Variants in EGLN3 observed in about 807,000 individuals in gnomAD.
EGLN3 encodes the protein egl-9 family hypoxia inducible factor 3.
EGLN3 carries 15 observed loss-of-function variants against 26.0 expected under a neutral mutation model. That is an observed-to-expected ratio of 0.58 (90% CI 0.39 to 0.89). EGLN3 has a LOEUF of 0.89. Among genes scored for constraint, EGLN3 ranks in the 40% least tolerant of loss-of-function variants. EGLN3 has a pLI of 0.00. For synonymous variants in EGLN3, 147 were observed against 127.2 expected (o/e 1.16, Z -1.05); for missense variants, 238 against 311.6 (o/e 0.76, Z 1.78).
chr14:33,941,625 T>C lies in EGLN3; in HGVS notation c.357+8771A>G, dbSNP rs182491636. Among the ~76,000 whole-genome samples the C allele has an allele frequency of 6.0e-4, 91 of 152,024 alleles. 1 individual carries two copies. The highest frequency in any genetic ancestry group is 2.2e-3 in the African/African-American group (91 of 41,464). On this transcript the variant is annotated intron_variant, in intron 1 of 4. Transcript: ENST00000250457. The stretch of plus-strand genomic sequence containing the variant: ...TCAAAATCAAAGTTCCTTTTGAAGA[T>C]GAAATTAAGCCAACAAGCACCTATG...
chr14:33,944,581 G>A (rs1206040020), intron 1 of EGLN3, among the ~76,000 whole-genome samples: 1 of 152,272 alleles, frequency 6.6e-6, no homozygotes, highest in Admixed American at 6.5e-5. Context: ...TTAACATCCT[G>A]TATAGTTTTG....
At chr14:33,946,207 T>A (rs2064516825) in intron 1 of EGLN3, among the ~76,000 whole-genome samples, 1 of 152,052 alleles carries the variant, frequency 6.6e-6, no homozygotes, top group African/African-American at 2.4e-5. Flanking sequence ...AGAAACCCCG[T>A]CTCTACTAAA....
intron 3 of EGLN3, among the ~76,000 whole-genome samples, chr14:33,928,785 A>G (rs557521512): frequency 3.9e-5 from 6 of 152,312 alleles, no homozygotes; most frequent in African/African-American, 1.4e-4. Context: ...AAAGAGAGAT[A>G]AGAGAAGGGA....
chr14:33,941,494 A>G (rs2064482808), intron 1 of EGLN3, among the ~76,000 whole-genome samples: 1 of 152,160 alleles, frequency 6.6e-6, no homozygotes, highest in African/African-American at 2.4e-5. Flanking sequence ...TTAAATACTT[A>G]GGCATCGAAT....
At chr14:33,931,268 C>A in intron 1 of EGLN3, 53 bp from the exon 2 acceptor site, 5 of 1,611,988 alleles carry the variant, frequency 3.1e-6, no homozygotes, top group Non-Finnish European at 4.2e-6. Context: ...AGACAATCTT[C>A]TCCTCCCACT....
chr14:33,942,098 A>G (rs2064487277), intron 1 of EGLN3, among the ~76,000 whole-genome samples: 1 of 152,214 alleles, frequency 6.6e-6, no homozygotes, highest in South Asian at 2.1e-4. Flanking sequence ...CACAGAGACT[A>G]CATGATTAGA....
chr14:33,939,818 C>T (rs1450130871), intron 1 of EGLN3, among the ~76,000 whole-genome samples: 1 of 152,126 alleles, frequency 6.6e-6, no homozygotes, highest in Non-Finnish European at 1.5e-5. Context: ...TTTTTGAACC[C>T]AGTTGGTCTG....
In EGLN3 at chr14:33,951,023, C is replaced by T. The variant is rs1335577783; in HGVS notation, c.-271G>A. On this transcript the variant is annotated 5_prime_UTR_variant, in exon 1 of 5. Coordinates refer to ENST00000250457, the MANE Select transcript of EGLN3 (RefSeq NM_022073.4). ...CGGCGAGCAGTGCGGCGCAAGGAGT[C>T]GGAGGGCGCCTTTTGGGGATGGGAA... The T allele has an allele frequency of 6.9e-6, 3 of 433,650 alleles. No individual in the cohort carries two copies. The highest frequency in any genetic ancestry group is 1.2e-5 in the Non-Finnish European group (3 of 245,630). 26.9% of individuals were successfully genotyped at this position (433,650 alleles called of 1,614,324 possible). A position where few individuals can be genotyped will look rare whatever the true frequency, so the allele number is the denominator to read the frequency against.
At chr14:33,939,071 A>G (rs2064462376) in intron 1 of EGLN3, among the ~76,000 whole-genome samples, 1 of 152,260 alleles carries the variant, frequency 6.6e-6, no homozygotes, top group Admixed American at 6.5e-5. Context: ...TGAAATTTTC[A>G]TCTGAACTTA....
At chr14:33,945,490 T>A (rs950739673) in intron 1 of EGLN3, among the ~76,000 whole-genome samples, 1 of 152,220 alleles carries the variant, frequency 6.6e-6, no homozygotes, top group African/African-American at 2.4e-5. Flanking sequence ...GGAATGTTAC[T>A]GAAGTCTCTG....
chr14:33,931,310 G>C, intron 1 of EGLN3, 95 bp from the exon 2 acceptor site: 1 of 1,558,000 alleles, frequency 6.4e-7, no homozygotes, highest in Non-Finnish European at 8.7e-7. Flanking sequence ...GTCTCCTTGG[G>C]TGTTACGTGA....
chr14:33,931,177 A>G lies in EGLN3; in HGVS notation c.396T>C (p.Tyr132=), dbSNP rs780223180. ...CGTTGGGGTTGTCCACGTGGCGAACATAACCTGTTCCATTTCCCGGATAGC... is the reference window on the plus strand; with the variant it reads ...CGTTGGGGTTGTCCACGTGGCGAACGTAACCTGTTCCATTTCCCGGATAGC... ...VACYPGNGTG[Y]VRHVDNPNGD... Residue 132 remains tyrosine, a synonymous_variant, in exon 2 of 5, where the codon TAT becomes TAC. Coordinates refer to ENST00000250457, the MANE Select transcript of EGLN3 (RefSeq NM_022073.4). 7 of 1,614,128 alleles carry G rather than the reference A, an allele frequency of 4.3e-6. No homozygotes were observed. Among genetic ancestry groups the G allele is most frequent in the Non-Finnish European group, 5.9e-6 (7 of 1,180,036 alleles).
chr14:33,950,386 C>T lies in EGLN3; in HGVS notation c.357+10G>A. The T allele has an allele frequency of 6.2e-7, 1 of 1,611,768 alleles. No individual in the cohort carries two copies. Among genetic ancestry groups the T allele is most frequent in the Non-Finnish European group, 8.5e-7 (1 of 1,178,976 alleles). On this transcript the variant is annotated intron_variant, in intron 1 of 4. Coordinates refer to ENST00000250457, the MANE Select transcript of EGLN3 (RefSeq NM_022073.4). ...GGAGCAGCTGCGGCAGGGCGCCGAG[C>T]GCGTCCTACCTTAGACCTCTCCTTG...
At chr14:33,926,855 C>T (rs1241818160) in intron 4 of EGLN3, 105 bp downstream of exon 4, 1 of 767,096 alleles carries the variant, frequency 1.3e-6, no homozygotes, top group African/African-American at 1.8e-5. Context: ...ATATATAAAG[C>T]TAAGCCGTAA....
chr14:33,930,042 A>AT (rs1270674703), intron 2 of EGLN3, among the ~76,000 whole-genome samples: 4 of 151,976 alleles, frequency 2.6e-5, no homozygotes, highest in African/African-American at 4.8e-5. Context: ...TCCTTGAATT[A>AT]TTTTTTTTAC....
intron 1 of EGLN3, among the ~76,000 whole-genome samples, chr14:33,945,246 A>C (rs2064509624): frequency 6.6e-6 from 1 of 152,200 alleles, no homozygotes; most frequent in Non-Finnish European, 1.5e-5. Context: ...ACTCCTCCCC[A>C]AAATACCTTA....
At position 33,939,274 on chromosome 14, in the gene EGLN3, G is replaced by T. The variant is rs559212807; in HGVS notation, c.358-8059C>A. ...CACCCAGGCTGGAGTGCACTGGCGC[G>T]ATCTCGGCTCACTGCAAGCTCTGCC... On this transcript the variant is annotated intron_variant, in intron 1 of 4. Transcript: ENST00000250457. Among the ~76,000 whole-genome samples, 4 of 151,718 alleles carry T rather than the reference G, an allele frequency of 2.6e-5. No individual in the cohort carries two copies. The East Asian group carries it at 5.8e-4, about 22-fold the overall frequency.
chr14:33,942,371 C>A (rs1485445811), intron 1 of EGLN3, among the ~76,000 whole-genome samples: 2 of 151,726 alleles, frequency 1.3e-5, no homozygotes, highest in African/African-American at 4.8e-5. Flanking sequence ...GCACAATAGG[C>A]CCTTCTCTAG....
At position 33,950,806 on chromosome 14, in the gene EGLN3, G is replaced by T. The variant is rs2064555839; in HGVS notation, c.-54C>A. The T allele has an allele frequency of 1.0e-5, 15 of 1,477,944 alleles. No homozygotes were observed. The highest frequency in any genetic ancestry group is 1.4e-5 in the Non-Finnish European group (15 of 1,085,424). The allele number at this position is 1,477,944 out of a possible 1,614,324, so 91.6% of individuals were successfully genotyped here. ...CCCAGCGTGCAACCAGAGAGGGAAC[G>T]ATCTACACGAGCGCGAAGCCGAGGC... On this transcript the variant is annotated 5_prime_UTR_variant, in exon 1 of 5. Transcript: ENST00000250457.
Sources: gnomAD v4.1 joint callset for allele counts (sites outside exome capture counted in the v4.1 genomes callset) on GRCh38, gnomAD v4.1.1 for gene constraint, MANE v1.5 for transcripts, NCBI Gene and HGNC (gene_info 2026-07-23, HGNC 2026-07-21) for gene names.